The following APOB variants were observed in gnomAD, a reference collection of about 807,000 sequenced individuals.
APOB encodes the protein apolipoprotein B-100.
Under a neutral mutation model 314.1 loss-of-function variants are expected in APOB, and 153 were observed. The observed-to-expected ratio is 0.49, with a 90% CI of 0.43 to 0.56. APOB has a LOEUF of 0.56. APOB is among the 20% of genes least tolerant of loss of function. The pLI is 0.00. For missense variants in APOB, 5,430 were observed against 5,350.7 expected (o/e 1.01, Z -0.46); for synonymous variants, 2,087 against 2,036.4 (o/e 1.02, Z -0.67).
At chr2:21,014,623 A>G (rs1663419346) in intron 23 of APOB, 30 bp from the exon 24 acceptor site, 3 of 1,613,388 alleles carry the variant, frequency 1.9e-6, no homozygotes, top group African/African-American at 2.7e-5. Context: ...TTTTAAGGTA[A>G]TGGGCTTGGA....
At chr2:21,036,195 C>A (rs1190007492) in intron 6 of APOB, among the ~76,000 whole-genome samples, 1 of 152,172 alleles carries the variant, frequency 6.6e-6, no homozygotes, top group Non-Finnish European at 1.5e-5. Context: ...ACCACGTATA[C>A]TTTATTGACC....
rs1346441544 is a variant in APOB, at chr2:21,011,087, C to G, written c.5781G>C (p.Leu1927=). ...LALWGEHTGQ[L]YSKFLLKAEP... ...CTGCTTTCAACAGGAATTTGCTATA[C>G]AGCTGCCCAGTATGTTCTCCCCAGA... The change falls in exon 26 of 29, where the codon CTG becomes CTC. Residue 1927 remains leucine, a synonymous_variant. Transcript: ENST00000233242. The G allele has an allele frequency of 6.2e-7, 1 of 1,614,074 alleles. No individual in the cohort carries two copies. Among genetic ancestry groups the G allele is most frequent in the African/African-American group, 1.3e-5 (1 of 74,932 alleles).
Position 21,038,340 on chromosome 2 carries a change from T to C in APOB, c.384-229A>G, listed in dbSNP as rs559799871. 6.0e-4 allele frequency among the ~76,000 whole-genome samples: 92 copies of C among 152,296 alleles called. 4 individuals carry two copies. The South Asian group carries it at 0.019, about 32-fold the overall frequency. On this transcript the variant is annotated intron_variant, in intron 4 of 28. Coordinates refer to ENST00000233242, the MANE Select transcript of APOB (RefSeq NM_000384.3). ...TCTTTTTTTTTCTTTTTTTCTTTTTTCTTTTTCTTTTTTTGAAATGGAGTC... is the reference window on the plus strand; with the variant it reads ...TCTTTTTTTTTCTTTTTTTCTTTTTCCTTTTTCTTTTTTTGAAATGGAGTC...
intron 16 of APOB, chr2:21,024,114 A>G (rs1663678616): frequency 6.5e-6 from 1 of 154,108 alleles, no homozygotes; most frequent in South Asian, 2.0e-4. Flanking sequence ...GTACATATCA[A>G]TTTGCATTGG....
In APOB at chr2:21,019,794, G is replaced by C; in HGVS notation, c.2928C>G (p.Cys976Trp). The change falls in exon 19 of 29, where the codon TGC becomes TGG. Residue 976 changes from cysteine (C) to tryptophan (W), a missense_variant. This residue lies in a region of APOB where 2,085 missense variants were observed against 2,079.7 expected (regional missense o/e 1.00). Transcript: ENST00000233242. Reference sequence around the variant, plus strand: ...TGGCGTTGGAGTAAGCGCCTGAGGTGCAGTAATTCAGGCCAGGAAAGACTT... The same window carrying C: ...TGGCGTTGGAGTAAGCGCCTGAGGTCCAGTAATTCAGGCCAGGAAAGACTT... Reference protein sequence around the residue: ...CKQVFPGLNYCTSGAYSNASS... With the variant: ...CKQVFPGLNYWTSGAYSNASS... The C allele has an allele frequency of 6.2e-7, 1 of 1,614,192 alleles. No homozygotes were observed. The highest frequency in any genetic ancestry group is 1.3e-5 in the African/African-American group (1 of 75,050).
At position 21,008,961 on chromosome 2, in the gene APOB, A is replaced by G. The variant is rs1480933731; in HGVS notation, c.7907T>C (p.Leu2636Ser). 6.2e-7 allele frequency: 1 copy of G among 1,613,944 alleles called. No homozygotes were observed. The highest frequency in any genetic ancestry group is 1.7e-5 in the Admixed American group (1 of 60,004). Residue 2636 changes from leucine to serine, a missense_variant, in exon 26 of 29, where the codon TTA (leucine) becomes TCA (serine). Physicochemically the swap from Leu to Ser is moderately radical, Grantham distance 145. This residue lies in a region of APOB where 3,281 missense variants were observed against 3,171.0 expected (regional missense o/e 1.03). Transcript: ENST00000233242. ...CCTGGATGGGATTTTTATATTTTTTAAGTCTTTGAAGTTTATCTGAACTGA... is the reference window on the plus strand; with the variant it reads ...CCTGGATGGGATTTTTATATTTTTTGAGTCTTTGAAGTTTATCTGAACTGA... ...IPSVQINFKD[L>S]KNIKIPSRFS...
At chr2:21,030,874 G>C (rs1307055468) in intron 10 of APOB, among the ~76,000 whole-genome samples, 2 of 152,250 alleles carry the variant, frequency 1.3e-5, no homozygotes, top group East Asian at 1.9e-4. Context: ...CTAATCATTA[G>C]AGAAATGTAA....
chr2:21,013,449 A>C lies in APOB; in HGVS notation c.3927T>G (p.Asp1309Glu). Residue 1309 changes from aspartate to glutamate, a missense_variant, in exon 25 of 29, where the codon GAT becomes GAG. Asp to Glu is a conservative substitution (Grantham distance 45, BLOSUM62 2). Coordinates refer to ENST00000233242, the MANE Select transcript of APOB (RefSeq NM_000384.3). ...TCCTAACAGTCTCTAACATCTTTAG[A>C]TCTCTGGAGGATTTGCCACCAAAAG... Reference protein sequence around the residue: ...PLPFGGKSSRDLKMLETVRTP... With the variant: ...PLPFGGKSSRELKMLETVRTP... The C allele has an allele frequency of 6.2e-7, 1 of 1,614,168 alleles. No homozygotes were observed. The highest frequency in any genetic ancestry group is 8.5e-7 in the Non-Finnish European group (1 of 1,180,024).
chr2:21,041,966 G>T (rs1248003794), intron 3 of APOB, among the ~76,000 whole-genome samples: 1 of 152,118 alleles, frequency 6.6e-6, no homozygotes, highest in Non-Finnish European at 1.5e-5. Flanking sequence ...TTCAGCAACA[G>T]ATTCTGTTTG....
At chr2:21,023,276 A>G (rs917074134) in intron 17 of APOB, among the ~76,000 whole-genome samples, 4 of 152,188 alleles carry the variant, frequency 2.6e-5, no homozygotes, top group African/African-American at 9.7e-5. Context: ...ACCAGATTAA[A>G]AAGATGATAG....
rs113096093 is a variant in APOB at position 21,006,389 on chromosome 2, C to T, written c.10479G>A (p.Glu3493=). The T allele has an allele frequency of 1.4e-4, 225 of 1,614,036 alleles. 1 individual carries two copies. In the African/African-American group the frequency reaches 2.6e-3, roughly 19 times the overall value. The change falls in exon 26 of 29, where the codon GAG becomes GAA. Residue 3493 remains glutamate, a synonymous_variant. Coordinates refer to ENST00000233242, the MANE Select transcript of APOB (RefSeq NM_000384.3). ...LESLTSYFSI[E]SSTKGDVKGS... ...CCTTGACATCTCCTTTGGTAGATGA[C>T]TCAATGGAAAAGTAAGAGGTGAGGC...
Position 21,008,678 on chromosome 2 carries a change from A to T in APOB, c.8190T>A (p.Asp2730Glu). 1 of 1,614,074 alleles carries T rather than the reference A, an allele frequency of 6.2e-7. No individual in the cohort carries two copies. The highest frequency in any genetic ancestry group is 8.5e-7 in the Non-Finnish European group (1 of 1,179,978). Residue 2730 changes from aspartate to glutamate, a missense_variant, in exon 26 of 29, where the codon GAT (aspartate) becomes GAA (glutamate). Asp to Glu is a conservative substitution (Grantham distance 45, BLOSUM62 2). Coordinates refer to ENST00000233242, the MANE Select transcript of APOB (RefSeq NM_000384.3). ...GTATGTGAAGGTCAGGAACTTGAAA[A>T]TCATTAAGGTTGAGAGTTGGGATTA... ...EFIIPTLNLN[D>E]FQVPDLHIPE...
chr2:21,007,763 A>T lies in APOB; in HGVS notation c.9105T>A (p.Asn3035Lys), dbSNP rs147510760. ...ATGGCTGGGCTGAAAAGAAAAGAGA[A>T]TTTTTCAAAGTTCCAATAACCTTTC... is the stretch of plus-strand genomic sequence containing the variant. The part of the protein sequence containing the change: ...LNGKVIGTLK[N>K]SLFFSAQPFE... The change falls in exon 26 of 29, where the codon AAT becomes AAA. Residue 3035 changes from asparagine to lysine, a missense_variant. Physicochemically the swap from Asn to Lys is moderately conservative, Grantham distance 94. Around this residue, in one of 3 missense-constraint regions of APOB, gnomAD observed 3,281 missense variants for 3,171.0 expected, o/e 1.03. Coordinates refer to ENST00000233242, the MANE Select transcript of APOB (RefSeq NM_000384.3). 3 of 1,613,982 alleles carry T rather than the reference A, an allele frequency of 1.9e-6. No individual in the cohort carries two copies. Among genetic ancestry groups the T allele is most frequent in the South Asian group, 1.1e-5 (1 of 91,076 alleles).
Position 21,043,919 on chromosome 2 carries a change from C to G in APOB, c.27G>C (p.Leu9=), listed in dbSNP as rs1284283443. 1 of 917,016 alleles carries G rather than the reference C, an allele frequency of 1.1e-6. No homozygotes were observed. Among genetic ancestry groups the G allele is most frequent in the Non-Finnish European group, 1.5e-6 (1 of 654,866 alleles). 56.8% of individuals were successfully genotyped at this position (917,016 alleles called of 1,614,324 possible). A position where few individuals can be genotyped will look rare whatever the true frequency, so the allele number is the denominator to read the frequency against. ...GCAGCGCAGGCAGCGCCAGCAGCGC[C>G]AGCAGCGCGGGCCTCGGCGGGTCCA... MDPPRPAL[L]ALLALPALLL... is the part of the protein sequence containing the mutation. The change falls in exon 1 of 29, where the codon CTG becomes CTC. Residue 9 remains leucine (L), a synonymous_variant. Coordinates refer to ENST00000233242, the MANE Select transcript of APOB (RefSeq NM_000384.3).
In APOB at chr2:21,010,338, T is replaced by C. The variant is rs1199919734; in HGVS notation, c.6530A>G (p.Tyr2177Cys). The stretch of plus-strand genomic sequence containing the variant: ...AATATACTGATCAAATTGTATCATA[T>C]ATGTCTGCAGTTGAGATAGTTTTTC... Reference protein sequence around the residue: ...FNEKLSQLQTYMIQFDQYIKD... With the variant: ...FNEKLSQLQTCMIQFDQYIKD... The change falls in exon 26 of 29, where the codon TAT (tyrosine) becomes TGT (cysteine). Residue 2177 changes from tyrosine to cysteine, a missense_variant. By Grantham distance (194) the Tyr-to-Cys change is radical (BLOSUM62 -2). Coordinates refer to ENST00000233242, the MANE Select transcript of APOB (RefSeq NM_000384.3). 6.4e-7 allele frequency: 1 copy of C among 1,567,470 alleles called. No homozygotes were observed. Among genetic ancestry groups the C allele is most frequent in the Admixed American group, 1.8e-5 (1 of 55,040 alleles).
rs1225537247 is a variant in APOB, at chr2:21,042,418, A to G, written c.180T>C (p.Ser60=). 10 of 1,613,840 alleles carry G rather than the reference A, an allele frequency of 6.2e-6. No individual in the cohort carries two copies. Among genetic ancestry groups the G allele is most frequent in the Admixed American group, 5.0e-5 (3 of 59,978 alleles). Residue 60 remains serine (S), a synonymous_variant, in exon 3 of 29, where the codon AGT becomes AGC. Transcript: ENST00000233242. ...RKYTYNYEAE[S]SSGVPGTADS... is the part of the protein sequence containing the mutation. ...CAGCAGTCCCAGGGACTCCACTGGA[A>G]CTCTCAGCCTCATAGTTGTATGTGT... is the stretch of plus-strand genomic sequence containing the variant.
In APOB at chr2:21,011,543, G is replaced by A; in HGVS notation, c.5325C>T (p.Ser1775=). 6.2e-7 allele frequency: 1 copy of A among 1,614,122 alleles called. No individual in the cohort carries two copies. Among genetic ancestry groups the A allele is most frequent in the Admixed American group, 1.7e-5 (1 of 60,024 alleles). Residue 1775 remains serine, a synonymous_variant, in exon 26 of 29, where the codon AGC becomes AGT. Coordinates refer to ENST00000233242, the MANE Select transcript of APOB (RefSeq NM_000384.3). ...DFSSKLDNIY[S]SDKFYKQTVN... is the part of the protein sequence containing the mutation. ...CAGTTTGCTTATAAAACTTGTCAGA[G>A]CTGTAAATGTTGTCAAGTTTTGAAG...
chr2:21,019,482 T>C (rs1663546691), intron 19 of APOB, among the ~76,000 whole-genome samples: 1 of 152,158 alleles, frequency 6.6e-6, no homozygotes, highest in African/African-American at 2.4e-5. Context: ...CTCAGAAACA[T>C]GGACACTGAA....
At chr2:21,034,209 T>C (rs1220588490) in intron 8 of APOB, among the ~76,000 whole-genome samples, 1 of 152,210 alleles carries the variant, frequency 6.6e-6, no homozygotes, top group Non-Finnish European at 1.5e-5. Context: ...GGCACTTATT[T>C]TCCCCCCTCT....
Sources: allele counts gnomAD v4.1 joint callset (sites outside exome capture counted in the v4.1 genomes callset), GRCh38; gene constraint gnomAD v4.1.1; regional missense constraint gnomAD v4.1.1; transcripts MANE v1.5; gene names NCBI Gene and HGNC (gene_info 2026-07-23, HGNC 2026-07-21).